DLGAP1: variants seen among roughly 807,000 people sequenced by gnomAD.
DLGAP1 encodes disks large-associated protein 1.
In DLGAP1, 11 loss-of-function variants were observed where a neutral mutation model predicts 90.8. That is an observed-to-expected ratio of 0.12 (90% confidence interval 0.08 to 0.20). The LOEUF (loss-of-function observed/expected upper bound fraction) is 0.20, where lower values mean the gene tolerates loss of function less well. Among genes scored for constraint, DLGAP1 ranks in the 10% least tolerant of loss-of-function variants. The pLI, the probability that DLGAP1 is intolerant of heterozygous loss-of-function variation, is 1.00. For synonymous variants in DLGAP1, 558 were observed against 540.7 expected (o/e 1.03, Z -0.44); for missense variants, 1,050 against 1,333.8 (o/e 0.79, Z 3.31).
At chr18:3,926,615 C>T (rs535842474) in intron 3 of DLGAP1, among the ~76,000 whole-genome samples, 1 of 151,866 alleles carries the variant, frequency 6.6e-6, no homozygotes, top group South Asian at 2.1e-4. Flanking sequence ...GACACATCTC[C>T]AGATAGATAT....
chr18:4,407,529 G>T (rs954212386), intron 1 of DLGAP1, among the ~76,000 whole-genome samples: 1 of 152,186 alleles, frequency 6.6e-6, no homozygotes, highest in Non-Finnish European at 1.5e-5. Context: ...GCTTGGCTAT[G>T]CTCCCTAGGA....
chr18:4,013,083 T>C (rs2074456565), intron 2 of DLGAP1, among the ~76,000 whole-genome samples: 1 of 152,214 alleles, frequency 6.6e-6, no homozygotes, highest in Non-Finnish European at 1.5e-5. Flanking sequence ...TAAGTTGTAG[T>C]TTCTGAAAGT....
chr18:3,917,650 A>G (rs1599157179), intron 3 of DLGAP1, among the ~76,000 whole-genome samples: 1 of 152,234 alleles, frequency 6.6e-6, no homozygotes, highest in Admixed American at 6.5e-5. Flanking sequence ...TTTGCTATCA[A>G]GTAAATTTCA....
At chr18:4,356,764 A>G (rs1300141744) in intron 1 of DLGAP1, among the ~76,000 whole-genome samples, 1 of 152,186 alleles carries the variant, frequency 6.6e-6, no homozygotes, top group African/African-American at 2.4e-5. Flanking sequence ...TTAGAGCATG[A>G]CATTCCTCTG....
chr18:3,987,954 C>T (rs140459952), intron 3 of DLGAP1, among the ~76,000 whole-genome samples: 53 of 151,936 alleles, frequency 3.5e-4, no homozygotes, highest in African/African-American at 1.2e-3. Flanking sequence ...TGGACCAGGG[C>T]GGGGGATGGT....
At chr18:4,269,348 A>ATTTTTTT (rs1358148826) in intron 1 of DLGAP1, among the ~76,000 whole-genome samples, 1 of 133,490 alleles carries the variant, frequency 7.5e-6, no homozygotes, top group Non-Finnish European at 1.5e-5. Context: ...ATATATATAT[A>ATTTTTTT]TATATATTTT....
chr18:3,969,456 C>T (rs1049247638), intron 3 of DLGAP1, among the ~76,000 whole-genome samples: 4 of 151,902 alleles, frequency 2.6e-5, no homozygotes, highest in African/African-American at 7.3e-5. Flanking sequence ...CCATTCTAGC[C>T]GTAGGAAAAG....
chr18:3,572,436 ATTTGTTTG>A (rs146464414), intron 8 of DLGAP1, among the ~76,000 whole-genome samples: 5 of 149,524 alleles, frequency 3.3e-5, no homozygotes, highest in East Asian at 2.0e-4. Context: ...TTATTTATTT[ATTTGTTTG>A]TTTGTTTGTT....
intron 5 of DLGAP1, among the ~76,000 whole-genome samples, chr18:3,768,129 C>A (rs2064340644): frequency 6.6e-6 from 1 of 152,036 alleles, no homozygotes; most frequent in South Asian, 2.1e-4. Context: ...GGCTAACATA[C>A]AAAAATCAGT....
At chr18:3,951,376 A>G (rs1686642149) in intron 3 of DLGAP1, among the ~76,000 whole-genome samples, 1 of 152,252 alleles carries the variant, frequency 6.6e-6, no homozygotes, top group African/African-American at 2.4e-5. Context: ...TATAGTGTAA[A>G]GGTGTCTCTT....
intron 1 of DLGAP1, among the ~76,000 whole-genome samples, chr18:4,394,114 C>T (rs2082393020): frequency 6.6e-6 from 1 of 152,158 alleles, no homozygotes; most frequent in South Asian, 2.1e-4. Flanking sequence ...ACAAAAGTAG[C>T]TATATGGCTA....
chr18:4,370,949 C>T (rs991785634), intron 1 of DLGAP1, among the ~76,000 whole-genome samples: 1 of 143,960 alleles, frequency 6.9e-6, no homozygotes, highest in South Asian at 2.4e-4. Flanking sequence ...CATACCTCTC[C>T]TATCCTTTGG....
intron 2 of DLGAP1, among the ~76,000 whole-genome samples, chr18:4,032,759 A>T (rs796964843): frequency 7.2e-5 from 11 of 152,302 alleles, no homozygotes; most frequent in African/African-American, 2.6e-4. Flanking sequence ...CTCCCATCAT[A>T]TCCTGTACTA....
At chr18:4,002,414 C>G (rs185375158) in intron 3 of DLGAP1, among the ~76,000 whole-genome samples, 4 of 152,312 alleles carry the variant, frequency 2.6e-5, no homozygotes, top group Admixed American at 6.5e-5. Flanking sequence ...CACCCCGAGA[C>G]AGCAAGACCA....
At position 3,729,328 on chromosome 18, in the gene DLGAP1, G is replaced by C. The variant is rs977614482; in HGVS notation, c.1398C>G (p.Ser466=). The C allele has an allele frequency of 6.2e-7, 1 of 1,614,016 alleles. No individual in the cohort carries two copies. Among genetic ancestry groups the C allele is most frequent in the Admixed American group, 1.7e-5 (1 of 60,022 alleles). Residue 466 remains serine (S), a synonymous_variant, in exon 7 of 13, where the codon TCC becomes TCG. Coordinates refer to ENST00000315677, the MANE Select transcript of DLGAP1 (RefSeq NM_004746.4). The surrounding 1 kb of genome is among the most constrained non-coding windows in gnomAD (Gnocchi z 6.2). The part of the protein sequence containing the change: ...VNGQFESVCE[S]VFSELESQAV... The stretch of plus-strand genomic sequence containing the variant: ...CCTGCGACTCCAGCTCGCTGAACAC[G>C]GACTCGCACACGGACTCGAACTGCC...
At chr18:4,401,280 T>C (rs2082548921) in intron 1 of DLGAP1, among the ~76,000 whole-genome samples, 1 of 152,224 alleles carries the variant, frequency 6.6e-6, no homozygotes, top group South Asian at 2.1e-4. Context: ...CCTGGTTGGA[T>C]GAAAGGTGTG....
intron 9 of DLGAP1, among the ~76,000 whole-genome samples, chr18:3,544,136 T>A (rs2052870983): frequency 6.6e-6 from 1 of 152,170 alleles, no homozygotes; most frequent in South Asian, 2.1e-4. Flanking sequence ...ACGCCTGTAA[T>A]CCCAACACCC....
At chr18:4,373,975 ATT>A (rs2081967947) in intron 1 of DLGAP1, among the ~76,000 whole-genome samples, 1 of 152,204 alleles carries the variant, frequency 6.6e-6, no homozygotes, top group South Asian at 2.1e-4. Context: ...ACCTGAAAGC[ATT>A]TAACAATATA....
intron 1 of DLGAP1, among the ~76,000 whole-genome samples, chr18:4,320,366 A>T (rs1001425331): frequency 3.3e-5 from 5 of 152,186 alleles, no homozygotes; most frequent in Non-Finnish European, 7.3e-5. Context: ...TTTTAAAGTT[A>T]TTTGAATTAA....
Sources: allele counts gnomAD v4.1 joint callset (sites outside exome capture counted in the v4.1 genomes callset), GRCh38; gene constraint gnomAD v4.1.1; non-coding constraint Gnocchi (gnomAD v3.1); transcripts MANE v1.5; gene names NCBI Gene and HGNC (gene_info 2026-07-23, HGNC 2026-07-21).